KCNAB1: variants seen among roughly 807,000 people sequenced by gnomAD.
KCNAB1 encodes the protein voltage-gated potassium channel subunit beta-1.
A neutral mutation model predicts 64.6 loss-of-function variants in KCNAB1; 35 were observed. The observed-to-expected ratio is 0.54, with a 90% CI of 0.41 to 0.72. The LOEUF (loss-of-function observed/expected upper bound fraction) is 0.72. KCNAB1 is among the 30% of genes least tolerant of loss of function. The pLI, the probability that KCNAB1 is intolerant of heterozygous loss-of-function variation, is 0.00. For synonymous variants in KCNAB1, 177 were observed against 183.8 expected (o/e 0.96, Z 0.30); for missense variants, 401 against 512.9 (o/e 0.78, Z 2.11).
At chr3:156,288,238 C>G (rs564896910) in intron 1 of KCNAB1, among the ~76,000 whole-genome samples, 1 of 152,324 alleles carries the variant, frequency 6.6e-6, no homozygotes, top group South Asian at 2.1e-4. Flanking sequence ...TATGACCTCA[C>G]TTTACCTCAG....
intron 1 of KCNAB1, among the ~76,000 whole-genome samples, chr3:156,259,035 C>T (rs1718272922): frequency 6.6e-6 from 1 of 152,186 alleles, no homozygotes; most frequent in Non-Finnish European, 1.5e-5. Flanking sequence ...TAAAGTGTCA[C>T]AAATTGACTA....
chr3:156,514,289 G>A (rs1559924482), intron 8 of KCNAB1, 75 bp from the exon 9 acceptor site: 1 of 1,091,308 alleles, frequency 9.2e-7, no homozygotes, highest in East Asian at 2.4e-5. Flanking sequence ...CTAAGCTTTG[G>A]CTAGAGGAGT....
At chr3:156,480,120 C>G (rs1232276364) in intron 8 of KCNAB1, among the ~76,000 whole-genome samples, 3 of 152,052 alleles carry the variant, frequency 2.0e-5, no homozygotes, top group Admixed American at 2.0e-4. Flanking sequence ...CCAAAATTAA[C>G]CACCTAAAAC....
At chr3:156,230,563 C>G (rs1211402790) in intron 1 of KCNAB1, among the ~76,000 whole-genome samples, 2 of 152,088 alleles carry the variant, frequency 1.3e-5, no homozygotes, top group Non-Finnish European at 2.9e-5. Flanking sequence ...TACAGTGACA[C>G]TGGGTATAAA....
In KCNAB1 at chr3:156,509,830, G is replaced by T. The variant is rs577911447; in HGVS notation, c.659-4534G>T. On this transcript the variant is annotated intron_variant, in intron 8 of 13. Transcript: ENST00000490337. Reference sequence around the variant, plus strand: ...ATTCTGCCTAGGAGGCTTTTAAAAGGCATCTCCATGTTATGCACTTAACAG... The same window carrying T: ...ATTCTGCCTAGGAGGCTTTTAAAAGTCATCTCCATGTTATGCACTTAACAG... Among the ~76,000 whole-genome samples, 4 of 152,244 alleles carry T rather than the reference G, an allele frequency of 2.6e-5. No individual in the cohort carries two copies. In the South Asian group the frequency reaches 8.3e-4, roughly 32 times the overall value.
intron 1 of KCNAB1, among the ~76,000 whole-genome samples, chr3:156,323,748 T>C (rs1722812285): frequency 6.6e-6 from 1 of 152,196 alleles, no homozygotes; most frequent in African/African-American, 2.4e-5. Flanking sequence ...AGTCGTGTCA[T>C]ACCTTGACTT....
intron 8 of KCNAB1, among the ~76,000 whole-genome samples, chr3:156,477,036 T>A (rs1232197783): frequency 1.3e-5 from 2 of 152,130 alleles, no homozygotes; most frequent in Non-Finnish European, 2.9e-5. Context: ...TGTAGGAGTC[T>A]CTCAAACAGA....
intron 8 of KCNAB1, among the ~76,000 whole-genome samples, chr3:156,488,400 A>G (rs1316737661): frequency 1.3e-5 from 2 of 152,052 alleles, no homozygotes; most frequent in African/African-American, 4.8e-5. Flanking sequence ...GACTTGAAGA[A>G]GTCAGGTGAA....
chr3:156,327,372 T>A (rs1220982883), intron 1 of KCNAB1, among the ~76,000 whole-genome samples: 1 of 152,160 alleles, frequency 6.6e-6, no homozygotes, highest in African/African-American at 2.4e-5. Context: ...AATGTATTTT[T>A]TTAAGGATGA....
chr3:156,202,103 G>T (rs973533325), intron 1 of KCNAB1, among the ~76,000 whole-genome samples: 2 of 152,174 alleles, frequency 1.3e-5, no homozygotes, highest in African/African-American at 4.8e-5. Context: ...AGTTGAGCCT[G>T]TGGGGATGGC....
intron 1 of KCNAB1, among the ~76,000 whole-genome samples, chr3:156,127,905 GT>G (rs1713754290): frequency 6.6e-6 from 1 of 152,038 alleles, no homozygotes; most frequent in Non-Finnish European, 1.5e-5. Context: ...GTGTGTGTGT[GT>G]GTGTGTGTGT....
rs533295115 is a variant in KCNAB1, at chr3:156,207,558, A to G, written c.275+86672A>G. 9.8e-5 allele frequency among the ~76,000 whole-genome samples: 15 copies of G among 152,336 alleles called. 1 individual carries two copies. The South Asian group carries it at 3.1e-3, about 32-fold the overall frequency. ...TGGTGGGAACCCAAGTGATACATGT[A>G]TATTTCAGAAATAAAAAAATTAAAC... On this transcript the variant is annotated intron_variant, in intron 1 of 13. Transcript: ENST00000490337.
chr3:156,453,049 C>T, intron 3 of KCNAB1, 113 bp downstream of exon 3: 1 of 611,752 alleles, frequency 1.6e-6, no homozygotes, highest in Admixed American at 2.8e-5. Flanking sequence ...GTTTAATTCA[C>T]AGGAAATGGT....
intron 1 of KCNAB1, among the ~76,000 whole-genome samples, chr3:156,235,287 A>G (rs1716780346): frequency 6.6e-6 from 1 of 152,220 alleles, no homozygotes; most frequent in African/African-American, 2.4e-5. Flanking sequence ...CTTCATTCAT[A>G]TCTGGCATCA....
chr3:156,464,577 T>A (rs973393984), intron 6 of KCNAB1, among the ~76,000 whole-genome samples: 1 of 152,088 alleles, frequency 6.6e-6, no homozygotes, highest in African/African-American at 2.4e-5. Context: ...GATAGGGAAT[T>A]TTTTTTAATT....
At chr3:156,163,621 C>T (rs1716208037) in intron 1 of KCNAB1, among the ~76,000 whole-genome samples, 1 of 152,168 alleles carries the variant, frequency 6.6e-6, no homozygotes, top group African/African-American at 2.4e-5. Flanking sequence ...ATTCAAGTTA[C>T]TGAGAAGCAT....
chr3:156,525,280 A>G (rs1409707603), intron 12 of KCNAB1, among the ~76,000 whole-genome samples: 1 of 152,150 alleles, frequency 6.6e-6, no homozygotes, highest in Non-Finnish European at 1.5e-5. Context: ...TTCCCAGAGG[A>G]ACAAGATGTG....
At chr3:156,143,607 C>T (rs1714862247) in intron 1 of KCNAB1, among the ~76,000 whole-genome samples, 1 of 100,828 alleles carries the variant, frequency 9.9e-6, no homozygotes, top group African/African-American at 4.1e-5. Context: ...TAGCTTTAAG[C>T]GTTCTCTTTT....
intron 1 of KCNAB1, among the ~76,000 whole-genome samples, chr3:156,342,585 C>CTTTTTTTTTTTTTTTTTTTTTTTTT (rs60982892): frequency 1.2e-4 from 10 of 86,268 alleles, no homozygotes; most frequent in Non-Finnish European, 1.8e-4. Flanking sequence ...CTATGTGTTT[C>CTTTTTTTTTTTTTTTTTTTTTTTTT]TTTTTTTTTT....
Sources: gnomAD v4.1 joint callset for allele counts (sites outside exome capture counted in the v4.1 genomes callset) on GRCh38, gnomAD v4.1.1 for gene constraint, MANE v1.5 for transcripts, NCBI Gene and HGNC (gene_info 2026-07-23, HGNC 2026-07-21) for gene names.